ZBTB45: variants seen among roughly 807,000 people sequenced by gnomAD.
ZBTB45 encodes the protein zinc finger and BTB domain-containing protein 45.
In ZBTB45, 22 loss-of-function variants were observed where a neutral mutation model predicts 28.4. That is an observed-to-expected ratio of 0.77 (90% CI 0.55 to 1.10). The LOEUF (loss-of-function observed/expected upper bound fraction) is 1.10. Among genes scored for constraint, ZBTB45 ranks in the 50% least tolerant of loss-of-function variants. ZBTB45 has a pLI of 0.00. For missense variants in ZBTB45, 656 were observed against 750.2 expected, an observed-to-expected ratio of 0.87 and a Z score of 1.47; for synonymous variants, 361 against 332.3, an observed-to-expected ratio of 1.09 and a Z score of -0.94.
chr19:58,528,492 GCT>G (rs998999589), intron 1 of ZBTB45, among the ~76,000 whole-genome samples: 1 of 151,132 alleles, frequency 6.6e-6, no homozygotes, highest in African/African-American at 2.4e-5. Flanking sequence ...AGGTGCGGTG[GCT>G]CACGCCTATA....
intron 1 of ZBTB45, among the ~76,000 whole-genome samples, chr19:58,530,993 T>C (rs1427541428): frequency 6.6e-6 from 1 of 152,200 alleles, no homozygotes; most frequent in East Asian, 1.9e-4. Context: ...TGAACACCTG[T>C]TTTCAATTCA....
chr19:58,517,572 G>A lies in ZBTB45; in HGVS notation c.102C>T (p.Asp34=), dbSNP rs747559071. The A allele has an allele frequency of 3.5e-5, 57 of 1,613,696 alleles. 1 individual carries two copies. The highest frequency in any genetic ancestry group is 3.3e-4 in the South Asian group (30 of 91,088). ...AAGCTTCACGAATGCGCACAGTCAC[G>A]TCACAGAAGTGTCCCCCAAGCCTCT... ...NGQRLGGHFC[D]VTVRIREASL... Residue 34 remains aspartate (D), a synonymous_variant, in exon 2 of 3, where the codon GAC becomes GAT. Coordinates refer to ENST00000594051, the MANE Select transcript of ZBTB45 (RefSeq NM_001316979.2).
upstream of ZBTB45, chr19:58,519,966 A>G (rs539434851): frequency 6.6e-6 from 1 of 152,354 alleles, no homozygotes; most frequent in South Asian, 2.1e-4. Context: ...CGAAGAGGCT[A>G]GGGCTGCCGC....
chr19:58,536,143 C>G (rs1333442066), intron 1 of ZBTB45, among the ~76,000 whole-genome samples: 1 of 151,708 alleles, frequency 6.6e-6, no homozygotes, highest in Non-Finnish European at 1.5e-5. Context: ...AGTGCCTGGC[C>G]AACATGGTAA....
chr19:58,530,785 G>A (rs187543088), intron 1 of ZBTB45, among the ~76,000 whole-genome samples: 3 of 151,336 alleles, frequency 2.0e-5, no homozygotes, highest in Non-Finnish European at 2.9e-5. Context: ...CCGGGTTCAC[G>A]CCATTCTCCT....
intron 1 of ZBTB45, among the ~76,000 whole-genome samples, chr19:58,536,156 C>T (rs1389582135): frequency 1.3e-5 from 2 of 151,622 alleles, no homozygotes; most frequent in Non-Finnish European, 2.9e-5. Flanking sequence ...CATGGTAAAA[C>T]CCCCTCTCTA....
At chr19:58,535,731 C>T (rs1004933600) in intron 1 of ZBTB45, among the ~76,000 whole-genome samples, 5 of 152,202 alleles carry the variant, frequency 3.3e-5, no homozygotes, top group African/African-American at 9.7e-5. Flanking sequence ...GATACCAAAT[C>T]TCATGTTATG....
Position 58,514,195 on chromosome 19 carries a change from G to A in ZBTB45, c.1395C>T (p.Ala465=), listed in dbSNP as rs1459951725. The part of the protein sequence containing the change: ...GVRAFQCAVC[A]KRFTQKSSLN... ...GCGAGCTCTTCTGCGTGAAGCGCTT[G>A]GCGCAGACGGCGCACTGGAAGGCGC... Residue 465 remains alanine (A), a synonymous_variant, in exon 3 of 3, where the codon GCC becomes GCT. Transcript: ENST00000594051. 2.5e-6 allele frequency: 4 copies of A among 1,612,586 alleles called. No individual in the cohort carries two copies. Among genetic ancestry groups the A allele is most frequent in the African/African-American group, 1.3e-5 (1 of 75,038 alleles).
Position 58,516,461 on chromosome 19 carries a change from A to G in ZBTB45, c.1213T>C (p.Cys405Arg), listed in dbSNP as rs767279802. 6.2e-7 allele frequency: 1 copy of G among 1,613,862 alleles called. No homozygotes were observed. Among genetic ancestry groups the G allele is most frequent in the Non-Finnish European group, 8.5e-7 (1 of 1,179,854 alleles). ...CTGAACGTCTTGCGACAGTGGCTGCACTCATACGTAGGTGGCTCAGCACCT... is the reference window on the plus strand; with the variant it reads ...CTGAACGTCTTGCGACAGTGGCTGCGCTCATACGTAGGTGGCTCAGCACCT... ...TPGAEPPTYE[C>R]SHCRKTFSSR... Residue 405 changes from cysteine to arginine, a missense_variant, in exon 2 of 3, where the codon TGC becomes CGC. By Grantham distance (180) the Cys-to-Arg change is radical. Around this residue, in one of 3 missense-constraint regions of ZBTB45, gnomAD observed 448 missense variants for 444.3 expected, o/e 1.01. Coordinates refer to ENST00000594051, the MANE Select transcript of ZBTB45 (RefSeq NM_001316979.2). The surrounding 1 kb of genome is among the most constrained non-coding windows in gnomAD (Gnocchi z 6.2).
Position 58,516,502 on chromosome 19 carries a change from G to A in ZBTB45, c.1172C>T (p.Thr391Ile), listed in dbSNP as rs1422930467. Residue 391 changes from threonine (T) to isoleucine (I), a missense_variant, in exon 2 of 3, where the codon ACC becomes ATC. Coordinates refer to ENST00000594051, the MANE Select transcript of ZBTB45 (RefSeq NM_001316979.2). The surrounding 1 kb of genome is among the most constrained non-coding windows in gnomAD (Gnocchi z 6.2). ...CTCAGCACCTGGGGTGCGAGCAGGG[G>A]TGCCTGAGGGGGCCGTGGTGGGAGC... Reference protein sequence around the residue: ...SAAPTTAPSGTPARTPGAEPP... With the variant: ...SAAPTTAPSGIPARTPGAEPP... 1.2e-6 allele frequency: 2 copies of A among 1,613,614 alleles called. No homozygotes were observed. The highest frequency in any genetic ancestry group is 3.3e-5 in the Admixed American group (2 of 59,960).
Position 58,517,263 on chromosome 19 carries a change from G to C in ZBTB45, c.411C>G (p.Pro137=), listed in dbSNP as rs535266853. Residue 137 remains proline, a synonymous_variant, in exon 2 of 3, where the codon CCC becomes CCG. Coordinates refer to ENST00000594051, the MANE Select transcript of ZBTB45 (RefSeq NM_001316979.2). ...GTGCGAGTGGCGGGGGCACAGGGGT[G>C]GGCAGGGGCGTGGGCGCAGAGGTGC... ...APGTSAPTPL[P]TPVPPPLAPA... is the part of the protein sequence containing the mutation. 192 of 1,584,010 alleles carry C rather than the reference G, an allele frequency of 1.2e-4. No individual in the cohort carries two copies. The highest frequency in any genetic ancestry group is 1.6e-4 in the Non-Finnish European group (182 of 1,168,222).
In ZBTB45 at chr19:58,516,994, C is replaced by T; in HGVS notation, c.680G>A (p.Gly227Asp). 6.2e-7 allele frequency: 1 copy of T among 1,613,190 alleles called. No individual in the cohort carries two copies. Among genetic ancestry groups the T allele is most frequent in the Non-Finnish European group, 8.5e-7 (1 of 1,180,010 alleles). ...AGGAGGTGCCTGGCCCTCGCCTGGG[C>T]CGCCACCTTCGCCATCCTCGCCATC... ...ETDGEDGEGG[G>D]PGEGQAPPSF... The change falls in exon 2 of 3, where the codon GGC (glycine) becomes GAC (aspartate). Residue 227 changes from glycine (G) to aspartate (D), a missense_variant. By Grantham distance (94) the Gly-to-Asp change is moderately conservative. Transcript: ENST00000594051. This position sits in a 1 kb window ranked among gnomAD's most constrained non-coding sequence, Gnocchi z 6.2.
chr19:58,533,960 A>C (rs1017482278), intron 1 of ZBTB45, among the ~76,000 whole-genome samples: 2 of 152,188 alleles, frequency 1.3e-5, no homozygotes, highest in African/African-American at 4.8e-5. Flanking sequence ...TGGCCATACA[A>C]ATGTGCACTG....
chr19:58,530,374 C>G (rs1188856154), intron 1 of ZBTB45, among the ~76,000 whole-genome samples: 1 of 152,010 alleles, frequency 6.6e-6, no homozygotes, highest in Non-Finnish European at 1.5e-5. Flanking sequence ...ATGGCATGAT[C>G]TCGGCTCACC....
chr19:58,514,331 C>T (rs1189922462), intron 2 of ZBTB45, 21 bp from the exon 3 acceptor site: 3 of 1,583,264 alleles, frequency 1.9e-6, no homozygotes, highest in Non-Finnish European at 2.6e-6. Flanking sequence ...CAGGGCGGGC[C>T]GCGAACGCAA....
chr19:58,536,061 C>G (rs993591456), intron 1 of ZBTB45, among the ~76,000 whole-genome samples: 14 of 152,062 alleles, frequency 9.2e-5, no homozygotes, highest in Non-Finnish European at 1.8e-4. Context: ...GGGCCATACC[C>G]TAGAGTTGTC....
chr19:58,529,648 G>A (rs1018063610), intron 1 of ZBTB45, among the ~76,000 whole-genome samples: 1 of 152,088 alleles, frequency 6.6e-6, no homozygotes, highest in African/African-American at 2.4e-5. Flanking sequence ...TGTGATACAT[G>A]TGCAGAACGT....
chr19:58,520,561 A>G (rs1001588576), upstream of ZBTB45, among the ~76,000 whole-genome samples: 2 of 152,186 alleles, frequency 1.3e-5, no homozygotes, highest in African/African-American at 4.8e-5. Flanking sequence ...GCTGATCTTA[A>G]AATAGGATAT....
intron 1 of ZBTB45, among the ~76,000 whole-genome samples, 177 bp from the exon 2 acceptor site, chr19:58,517,850 T>C (rs1480179998): frequency 6.7e-6 from 1 of 148,626 alleles, no homozygotes; most frequent in Non-Finnish European, 1.5e-5. Context: ...CACAGGACAC[T>C]CCAGCACTCC....
Sources: allele counts gnomAD v4.1 joint callset (sites outside exome capture counted in the v4.1 genomes callset), GRCh38; gene constraint gnomAD v4.1.1; regional missense constraint gnomAD v4.1.1; non-coding constraint Gnocchi (gnomAD v3.1); transcripts MANE v1.5; gene names NCBI Gene and HGNC (gene_info 2026-07-23, HGNC 2026-07-21).